BANK1: variants seen among roughly 807,000 people sequenced by gnomAD.
BANK1 encodes the protein B-cell scaffold protein with ankyrin repeats.
In BANK1, 95 loss-of-function variants were observed where a neutral mutation model predicts 94.5. That is an observed-to-expected ratio of 1.00 (90% CI 0.85 to 1.19). The LOEUF (loss-of-function observed/expected upper bound fraction) is 1.19. BANK1 is among the 50% of genes most tolerant of loss of function. The probability of loss-of-function intolerance (pLI) is 0.00; values close to 1 mark genes in which losing one functional copy is unlikely to be tolerated. For synonymous variants in BANK1, 334 were observed against 308.4 expected (o/e 1.08, Z -0.87); for missense variants, 987 against 932.2 (o/e 1.06, Z -0.77).
intron 7 of BANK1, among the ~76,000 whole-genome samples, chr4:101,961,207 C>A (rs569237809): frequency 6.6e-6 from 1 of 152,272 alleles, no homozygotes; most frequent in South Asian, 2.1e-4. Context: ...TATTGAGATT[C>A]TATCATCAGT....
rs146402279 is a variant in BANK1 at position 101,829,915 on chromosome 4, T to G, written c.178T>G (p.Tyr60Asp). Residue 60 changes from tyrosine (Y) to aspartate (D), a missense_variant, in exon 2 of 17, where the codon TAT becomes GAT. Tyr to Asp is a radical substitution (Grantham distance 160). Transcript: ENST00000322953. ...HVVKREAILL[Y>D]RLENFSFRHL... ...TGTGAAAAGGGAAGCCATCCTGTTA[T>G]ATCGCTTGGAGAATTTCTCTTTTCG... The G allele has an allele frequency of 1.2e-6, 2 of 1,613,980 alleles. No individual in the cohort carries two copies. Among genetic ancestry groups the G allele is most frequent in the Non-Finnish European group, 1.7e-6 (2 of 1,179,898 alleles).
At chr4:101,884,902 G>GTTTGT (rs1355197421) in intron 5 of BANK1, among the ~76,000 whole-genome samples, 1 of 151,882 alleles carries the variant, frequency 6.6e-6, no homozygotes, top group Non-Finnish European at 1.5e-5. Context: ...TTGTTTGTTT[G>GTTTGT]TTTGTTTTGT....
intron 7 of BANK1, among the ~76,000 whole-genome samples, chr4:101,941,216 C>T (rs375814448): frequency 6.6e-6 from 1 of 151,234 alleles, no homozygotes; most frequent in African/African-American, 2.4e-5. Context: ...TGTGGTGGGG[C>T]GGGGGTGGAG....
intron 3 of BANK1, among the ~76,000 whole-genome samples, chr4:101,860,007 GA>G (rs2148876381): frequency 6.6e-6 from 1 of 152,242 alleles, no homozygotes; most frequent in East Asian, 1.9e-4. Flanking sequence ...GTGTTCCTTT[GA>G]AAGTTCTAAA....
intron 7 of BANK1, among the ~76,000 whole-genome samples, chr4:102,011,283 A>G (rs1443715509): frequency 6.6e-6 from 1 of 152,230 alleles, no homozygotes; most frequent in African/African-American, 2.4e-5. Flanking sequence ...AATAAATATC[A>G]GATACTCCCT....
chr4:101,943,527 A>C (rs1723821985), intron 7 of BANK1, among the ~76,000 whole-genome samples: 1 of 151,766 alleles, frequency 6.6e-6, no homozygotes, highest in Non-Finnish European at 1.5e-5. Context: ...TTAAGTGTCT[A>C]AGTAAATAAA....
intron 6 of BANK1, among the ~76,000 whole-genome samples, chr4:101,896,406 G>C (rs1722080948): frequency 6.7e-6 from 1 of 150,216 alleles, no homozygotes. Flanking sequence ...TTTGTCATCA[G>C]CCTGGAAGGC....
chr4:101,923,017 G>T (rs1723048193), intron 7 of BANK1, among the ~76,000 whole-genome samples: 1 of 151,602 alleles, frequency 6.6e-6, no homozygotes, highest in South Asian at 2.1e-4. Flanking sequence ...CTAGAGTCTT[G>T]GAATTCAGCC....
rs76061782 is a variant in BANK1 at position 101,860,835 on chromosome 4, A to G, written c.625-1691A>G. Among the ~76,000 whole-genome samples the G allele has an allele frequency of 0.011, 1,638 of 152,344 alleles. 85 individuals are homozygous for G. The East Asian group carries it at 0.15, about 14-fold the overall frequency. On this transcript the variant is annotated intron_variant, in intron 3 of 16. Coordinates refer to ENST00000322953, the MANE Select transcript of BANK1 (RefSeq NM_017935.5). ...GTGTACTATCCAAATGTGGAAAGCC[A>G]TAAGTCAAAGTTAAACAAGGAATGA...
In BANK1 at chr4:101,790,954, G is replaced by GGT; in HGVS notation, c.70+5_70+6dup. 6.6e-7 allele frequency: 1 copy of GGT among 1,506,524 alleles called. No homozygotes were observed. Among genetic ancestry groups the GGT allele is most frequent in the Non-Finnish European group, 8.8e-7 (1 of 1,133,884 alleles). The allele number at this position is 1,506,524 out of a possible 1,614,324, so 93.3% of individuals were successfully genotyped here. A position where few individuals can be genotyped will look rare whatever the true frequency, so the allele number is the denominator to read the frequency against. On this transcript the variant is annotated splice_donor_region_variant and intron_variant, in intron 1 of 16. Coordinates refer to ENST00000322953, the MANE Select transcript of BANK1 (RefSeq NM_017935.5). Reference sequence around the variant, plus strand: ...CCCTGCGGCCCAGCGCCCCCAGGTGGGTAGTCGCGCATTCGGAGGGGCTTG... The same window carrying GGT: ...CCCTGCGGCCCAGCGCCCCCAGGTGGGTGTAGTCGCGCATTCGGAGGGGCTTG...
At chr4:101,828,261 G>T (rs2148862541) in intron 1 of BANK1, among the ~76,000 whole-genome samples, 1 of 151,570 alleles carries the variant, frequency 6.6e-6, no homozygotes, top group South Asian at 2.1e-4. Flanking sequence ...TCAAATACAT[G>T]TGATAATGTT....
Position 101,858,732 on chromosome 4 carries a change from G to A in BANK1, c.624+3543G>A, listed in dbSNP as rs553161898. Among the ~76,000 whole-genome samples the A allele has an allele frequency of 1.6e-3, 242 of 152,180 alleles. 6 individuals are homozygous for A. The South Asian group carries it at 0.03, about 19-fold the overall frequency. The stretch of plus-strand genomic sequence containing the variant: ...AGAAAATTTAATTCTGAAAGTCATC[G>A]TGCAACCACAAAAGACCGTTAAAGT... On this transcript the variant is annotated intron_variant, in intron 3 of 16. Coordinates refer to ENST00000322953, the MANE Select transcript of BANK1 (RefSeq NM_017935.5).
intron 10 of BANK1, 140 bp downstream of exon 10, chr4:102,030,405 T>C: frequency 1.3e-6 from 1 of 773,118 alleles, no homozygotes; most frequent in Non-Finnish European, 2.0e-6. Context: ...AGCTAAGCTA[T>C]ACTGGCTCAT....
At chr4:101,867,799 A>G (rs1728132658) in intron 4 of BANK1, among the ~76,000 whole-genome samples, 1 of 151,380 alleles carries the variant, frequency 6.6e-6, no homozygotes, top group South Asian at 2.1e-4. Flanking sequence ...AAAGCTATAA[A>G]TGGTAGGCTA....
chr4:101,828,887 G>A (rs1191212076), intron 1 of BANK1, among the ~76,000 whole-genome samples: 11 of 151,262 alleles, frequency 7.3e-5, no homozygotes, highest in Admixed American at 4.6e-4. Flanking sequence ...TTTTGAGACA[G>A]AGTCTCACTC....
chr4:101,992,185 T>C (rs1578441104), intron 7 of BANK1, among the ~76,000 whole-genome samples: 1 of 152,196 alleles, frequency 6.6e-6, no homozygotes, highest in African/African-American at 2.4e-5. Context: ...CTGAACCATG[T>C]TGACATTTTA....
intron 13 of BANK1, among the ~76,000 whole-genome samples, chr4:102,068,441 GAA>G (rs370564573): frequency 2.0e-5 from 3 of 150,170 alleles, no homozygotes; most frequent in African/African-American, 7.3e-5. Flanking sequence ...AATGATCAAG[GAA>G]AAAAAAAGAC....
intron 1 of BANK1, among the ~76,000 whole-genome samples, chr4:101,829,109 G>A (rs1475343033): frequency 5.9e-5 from 9 of 151,992 alleles, no homozygotes; most frequent in East Asian, 3.9e-4. Flanking sequence ...TGATCAGCCC[G>A]CCTCAGCCTC....
chr4:101,997,296 G>T (rs1251115576), intron 7 of BANK1, among the ~76,000 whole-genome samples: 1 of 152,142 alleles, frequency 6.6e-6, no homozygotes, highest in Admixed American at 6.5e-5. Context: ...GTTCGTGGTG[G>T]ATAAGCTTTT....
Sources: allele counts gnomAD v4.1 joint callset (sites outside exome capture counted in the v4.1 genomes callset), GRCh38; gene constraint gnomAD v4.1.1; transcripts MANE v1.5; gene names NCBI Gene and HGNC (gene_info 2026-07-23, HGNC 2026-07-21).